Variants in CBX7 observed in about 807,000 individuals in gnomAD.
CBX7 encodes chromobox protein homolog 7.
A neutral mutation model predicts 31.4 loss-of-function variants in CBX7; 14 were observed. That is an observed-to-expected ratio of 0.45 (90% CI 0.29 to 0.70). CBX7 has a LOEUF of 0.70. Among genes scored for constraint, CBX7 ranks in the 30% least tolerant of loss-of-function variants. CBX7 has a pLI of 0.11. For synonymous variants in CBX7, 159 were observed against 152.6 expected (o/e 1.04, Z -0.31); for missense variants, 269 against 351.9 (o/e 0.76, Z 1.89).
intron 2 of CBX7, among the ~76,000 whole-genome samples, chr22:39,142,112 T>C (rs1930480379): frequency 6.6e-6 from 1 of 152,310 alleles, no homozygotes; most frequent in Middle Eastern, 3.4e-3. Flanking sequence ...AGTCCATCTC[T>C]GCCCCTAGCT....
At position 39,152,258 on chromosome 22, in the gene CBX7, C is replaced by A. The variant is rs1007391168; in HGVS notation, c.69+118G>T. On this transcript the variant is annotated intron_variant, in intron 1 of 5. Transcript: ENST00000216133. This position sits in a 1 kb window ranked among gnomAD's most constrained non-coding sequence, Gnocchi z 4.9. Reference sequence around the variant, plus strand: ...GGCTGGGGAGACGGGCCCAGCAGCGCAGGGCTGCCGGGGCCCCCGCGCCCC... The same window carrying A: ...GGCTGGGGAGACGGGCCCAGCAGCGAAGGGCTGCCGGGGCCCCCGCGCCCC... The A allele has an allele frequency of 2.8e-4, 121 of 433,640 alleles. No homozygotes were observed. The highest frequency in any genetic ancestry group is 3.7e-4 in the Admixed American group (7 of 18,820). The allele number at this position is 433,640 out of a possible 1,614,324, so 26.9% of individuals were successfully genotyped here. A position where few individuals can be genotyped will look rare whatever the true frequency, so the allele number is the denominator to read the frequency against.
chr22:39,139,662 C>T (rs1208956348), intron 3 of CBX7, among the ~76,000 whole-genome samples: 2 of 137,402 alleles, frequency 1.5e-5, no homozygotes, highest in Non-Finnish European at 3.0e-5. Context: ...GAGATCGCGC[C>T]ACTGCACTCC....
intron 3 of CBX7, among the ~76,000 whole-genome samples, chr22:39,140,078 C>T (rs1930400183): frequency 6.6e-6 from 1 of 152,238 alleles, no homozygotes; most frequent in African/African-American, 2.4e-5. Flanking sequence ...TTTCCATCCA[C>T]ACTCTCTGCA....
At chr22:39,141,655 A>G (rs1202954578) in intron 2 of CBX7, among the ~76,000 whole-genome samples, 1 of 152,042 alleles carries the variant, frequency 6.6e-6, no homozygotes, top group African/African-American at 2.4e-5. Flanking sequence ...AGGCTGAGAC[A>G]GGAGAATTGC....
In CBX7 at chr22:39,141,351, C is replaced by A; in HGVS notation, c.179+20G>T. ...TGAGCCGGCCCTAAGCCCCACCCGG[C>A]GGTGCCGAGGACACCGTACTTCTCC... On this transcript the variant is annotated intron_variant, in intron 3 of 5. Transcript: ENST00000216133. The A allele has an allele frequency of 6.2e-7, 1 of 1,604,616 alleles. No homozygotes were observed. Among genetic ancestry groups the A allele is most frequent in the East Asian group, 2.2e-5 (1 of 44,606 alleles).
Position 39,133,157 on chromosome 22 carries a change from T to C in CBX7, c.*734A>G, listed in dbSNP as rs1185457621. ...TTCTAACCCAGGTTCGCAAGGCCCA[T>C]GTGGACACGTCTGCAGCCACACATG... On this transcript the variant is annotated 3_prime_UTR_variant, in exon 6 of 6. Transcript: ENST00000216133. 2 of 152,190 alleles carry C rather than the reference T, an allele frequency of 1.3e-5. No individual in the cohort carries two copies. Among genetic ancestry groups the C allele is most frequent in the Admixed American group, 1.3e-4 (2 of 15,278 alleles). 9.4% of individuals were successfully genotyped at this position (152,190 alleles called of 1,614,324 possible).
chr22:39,135,379 C>T (rs1171239496), intron 4 of CBX7: 1 of 152,402 alleles, frequency 6.6e-6, no homozygotes, highest in Admixed American at 6.5e-5. Flanking sequence ...GAGGGCAAGT[C>T]TGTCCACCCC....
In CBX7 at chr22:39,131,041, C is replaced by T; in HGVS notation, c.*2850G>A. ...AAGCTCATTCTGTGCAAAGGAAGCGCTCTTGTGCTGAGACCTGGTGGCCGC... is the reference window on the plus strand; with the variant it reads ...AAGCTCATTCTGTGCAAAGGAAGCGTTCTTGTGCTGAGACCTGGTGGCCGC... On this transcript the variant is annotated 3_prime_UTR_variant, in exon 6 of 6. Coordinates refer to ENST00000216133, the MANE Select transcript of CBX7 (RefSeq NM_175709.5). 6.6e-6 allele frequency: 1 copy of T among 152,638 alleles called. No homozygotes were observed. Among genetic ancestry groups the T allele is most frequent in the East Asian group, 1.9e-4 (1 of 5,186 alleles). The allele number at this position is 152,638 out of a possible 1,614,324, so 9.5% of individuals were successfully genotyped here.
intron 4 of CBX7, among the ~76,000 whole-genome samples, chr22:39,137,593 C>T (rs1336499488): frequency 6.6e-6 from 1 of 152,138 alleles, no homozygotes; most frequent in African/African-American, 2.4e-5. Context: ...AGGTGATCCA[C>T]CCGCCTCGGC....
At chr22:39,142,399 TAC>T (rs962126206) in intron 2 of CBX7, among the ~76,000 whole-genome samples, 11 of 152,178 alleles carry the variant, frequency 7.2e-5, no homozygotes, top group African/African-American at 2.2e-4. Context: ...CTGGGCCTGG[TAC>T]ACAGCAGGTA....
chr22:39,134,338 T>A lies in CBX7; in HGVS notation c.598+63A>T, dbSNP rs542985856. The A allele has an allele frequency of 7.3e-6, 10 of 1,367,264 alleles. No homozygotes were observed. The East Asian group carries it at 2.4e-4, about 33-fold the overall frequency. The allele number at this position is 1,367,264 out of a possible 1,614,324, so 84.7% of individuals were successfully genotyped here. A position where few individuals can be genotyped will look rare whatever the true frequency, so the allele number is the denominator to read the frequency against. ...GGCCCTCTTTGGACATTGAACCAGC[T>A]GGACCTTATGACCCATAGGGCCCTT... On this transcript the variant is annotated intron_variant, in intron 5 of 5. Coordinates refer to ENST00000216133, the MANE Select transcript of CBX7 (RefSeq NM_175709.5).
Position 39,133,977 on chromosome 22 carries a change from C to T in CBX7, c.670G>A (p.Asp224Asn), listed in dbSNP as rs1405066086. 2.5e-6 allele frequency: 4 copies of T among 1,613,768 alleles called. No individual in the cohort carries two copies. The highest frequency in any genetic ancestry group is 1.1e-5 in the South Asian group (1 of 91,040). ...ALPSSEVTVT[D>N]ITANSITVTF... ...ACGGTGATGGAGTTGGCGGTGATGT[C>T]GGTCACGGTCACCTCACTTGAGGGG... is the stretch of plus-strand genomic sequence containing the variant. Residue 224 changes from aspartate to asparagine, a missense_variant, in exon 6 of 6, where the codon GAC becomes AAC. Around this residue, in one of 2 missense-constraint regions of CBX7, gnomAD observed 222 missense variants for 240.4 expected, o/e 0.92. Transcript: ENST00000216133.
At position 39,130,772 on chromosome 22, in the gene CBX7, T is replaced by C. The variant is rs933925703; in HGVS notation, c.*3119A>G. 2.0e-5 allele frequency: 3 copies of C among 152,574 alleles called. No homozygotes were observed. The highest frequency in any genetic ancestry group is 4.4e-5 in the Non-Finnish European group (3 of 68,028). 9.5% of individuals were successfully genotyped at this position (152,574 alleles called of 1,614,324 possible). On this transcript the variant is annotated 3_prime_UTR_variant, in exon 6 of 6. Coordinates refer to ENST00000216133, the MANE Select transcript of CBX7 (RefSeq NM_175709.5). ...GAAGGAATAATCAAATGCCCAGGAA[T>C]TTTCTTTTTTTTAAATCATCTTTAA... is the stretch of plus-strand genomic sequence containing the variant.
chr22:39,140,716 T>C (rs1930422481), intron 3 of CBX7, among the ~76,000 whole-genome samples: 1 of 147,896 alleles, frequency 6.8e-6, no homozygotes, highest in Non-Finnish European at 1.5e-5. Flanking sequence ...GCAGGGGACC[T>C]GGGCTGCCTG....
intron 3 of CBX7, among the ~76,000 whole-genome samples, chr22:39,139,311 G>A (rs1857249324): frequency 6.6e-6 from 1 of 152,146 alleles, no homozygotes. Context: ...CAGGCCGGGT[G>A]CGGTGGCTCA....
chr22:39,141,294 G>A, intron 3 of CBX7, 77 bp downstream of exon 3: 1 of 1,356,284 alleles, frequency 7.4e-7, no homozygotes, highest in East Asian at 2.4e-5. Flanking sequence ...AACAACCCCT[G>A]CCAAGCCAGC....
At chr22:39,151,502 G>A (rs1255678558) in intron 1 of CBX7, among the ~76,000 whole-genome samples, 1 of 152,092 alleles carries the variant, frequency 6.6e-6, no homozygotes, top group African/African-American at 2.4e-5. Context: ...TTAAATGGGA[G>A]GAGGTGACCC....
At chr22:39,144,963 G>A (rs1930591297) in intron 2 of CBX7, among the ~76,000 whole-genome samples, 1 of 152,198 alleles carries the variant, frequency 6.6e-6, no homozygotes, top group African/African-American at 2.4e-5. Flanking sequence ...CCAGTCAGTG[G>A]CCGGCCCGTG....
At chr22:39,145,118 C>T (rs1231414137) in intron 2 of CBX7, among the ~76,000 whole-genome samples, 1 of 152,190 alleles carries the variant, frequency 6.6e-6, no homozygotes, top group Non-Finnish European at 1.5e-5. Context: ...GTGAGCGCCC[C>T]GAAAGGCTCG....
Sources: gnomAD v4.1 joint callset for allele counts (sites outside exome capture counted in the v4.1 genomes callset) on GRCh38, gnomAD v4.1.1 for gene constraint, gnomAD v4.1.1 regional missense constraint, Gnocchi (gnomAD v3.1) non-coding constraint, MANE v1.5 for transcripts, NCBI Gene and HGNC (gene_info 2026-07-23, HGNC 2026-07-21) for gene names.